The following AFF1 variants were observed in gnomAD, a reference collection of about 807,000 sequenced individuals.
The protein encoded by AFF1 is ALF transcription elongation factor 1, also known as AF4/FMR2 family member 1.
In AFF1, 48 loss-of-function variants were observed where a neutral mutation model predicts 121.7. That is an observed-to-expected ratio of 0.39 (90% CI 0.31 to 0.50). The LOEUF (loss-of-function observed/expected upper bound fraction) is 0.50, where lower values mean the gene tolerates loss of function less well. Among genes scored for constraint, AFF1 ranks in the 20% least tolerant of loss-of-function variants. AFF1 has a pLI of 0.76. For synonymous variants in AFF1, 613 were observed against 563.0 expected, an observed-to-expected ratio of 1.09 and a Z score of -1.26; for missense variants, 1,523 against 1,511.7, an observed-to-expected ratio of 1.01 and a Z score of -0.12.
intron 2 of AFF1, among the ~76,000 whole-genome samples, chr4:86,977,188 C>T (rs1294807685): frequency 2.7e-5 from 4 of 147,432 alleles, no homozygotes; most frequent in African/African-American, 9.7e-5. Flanking sequence ...GATAGTACTG[C>T]ACCCTATACA....
At chr4:86,951,623 C>CTTTTTTTTTTTTT (rs1285365564) in intron 2 of AFF1, among the ~76,000 whole-genome samples, 3 of 69,418 alleles carry the variant, frequency 4.3e-5, no homozygotes, top group African/African-American at 1.4e-4. Context: ...TTCTTTTTTT[C>CTTTTTTTTTTTTT]TTTTTTTTTT....
intron 1 of AFF1, among the ~76,000 whole-genome samples, chr4:86,947,856 G>C (rs1386057788): frequency 6.6e-6 from 1 of 151,038 alleles, no homozygotes; most frequent in Non-Finnish European, 1.5e-5. Context: ...TTTAATGAGT[G>C]GAAGTAAAAT....
intron 2 of AFF1, among the ~76,000 whole-genome samples, chr4:87,010,969 C>T (rs377423556): frequency 1.6e-4 from 24 of 150,952 alleles, no homozygotes; most frequent in African/African-American, 5.6e-4. Context: ...GTCCCAGCTA[C>T]GCGGGAGGCG....
At chr4:87,120,535 C>T (rs1727580157) in intron 12 of AFF1, among the ~76,000 whole-genome samples, 1 of 152,230 alleles carries the variant, frequency 6.6e-6, no homozygotes, top group African/African-American at 2.4e-5. Context: ...CTGCCTCCTC[C>T]CAGTCCCGTG....
At chr4:86,959,234 A>T (rs1721968574) in intron 2 of AFF1, among the ~76,000 whole-genome samples, 3 of 152,212 alleles carry the variant, frequency 2.0e-5, no homozygotes, top group Admixed American at 2.0e-4. Flanking sequence ...TGCTTAAAAT[A>T]GTTAAATTGC....
chr4:87,012,448 C>CT (rs1045709006), intron 2 of AFF1, among the ~76,000 whole-genome samples: 2 of 152,024 alleles, frequency 1.3e-5, no homozygotes, highest in Non-Finnish European at 2.9e-5. Flanking sequence ...TATAGTGAGG[C>CT]TAAGTATAAT....
At chr4:87,040,635 C>T (rs1456514325) in intron 2 of AFF1, among the ~76,000 whole-genome samples, 1 of 151,098 alleles carries the variant, frequency 6.6e-6, no homozygotes, top group Non-Finnish European at 1.5e-5. Context: ...GGCGCAATCT[C>T]GGCTCACAGC....
At chr4:87,109,084 A>G (rs1291240115) in intron 11 of AFF1, among the ~76,000 whole-genome samples, 2 of 152,370 alleles carry the variant, frequency 1.3e-5, no homozygotes, top group African/African-American at 4.8e-5. Flanking sequence ...TGGTGGGGAA[A>G]GAAATTAATG....
At chr4:86,953,853 GGC>G (rs1331155668) in intron 2 of AFF1, among the ~76,000 whole-genome samples, 1 of 147,312 alleles carries the variant, frequency 6.8e-6, no homozygotes, top group Non-Finnish European at 1.5e-5. Flanking sequence ...CCGAGTAGCT[GGC>G]GCACCACCAC....
chr4:86,940,255 C>CT (rs1275398506), intron 1 of AFF1, among the ~76,000 whole-genome samples: 4 of 152,164 alleles, frequency 2.6e-5, no homozygotes, highest in African/African-American at 9.7e-5. Flanking sequence ...AGAGGAATGA[C>CT]TTTATCACTC....
intron 19 of AFF1, 69 bp from the exon 20 acceptor site, chr4:87,134,401 AC>A: frequency 7.3e-7 from 1 of 1,372,430 alleles, no homozygotes; most frequent in South Asian, 1.4e-5. Flanking sequence ...AGTTCCAGAC[AC>A]GTAAATCTGT....
chr4:87,007,170 C>T (rs1251358384), intron 2 of AFF1: 4 of 1,357,012 alleles, frequency 2.9e-6, no homozygotes, highest in East Asian at 2.9e-5. Flanking sequence ...GTGCAGATCG[C>T]CGCAGAGGCC....
intron 4 of AFF1, among the ~76,000 whole-genome samples, chr4:87,069,475 C>G (rs1233952544): frequency 6.7e-6 from 1 of 148,580 alleles, no homozygotes; most frequent in Non-Finnish European, 1.5e-5. Flanking sequence ...TCTCGTCTCT[C>G]TTCCTTGCTT....
chr4:87,040,718 T>C (rs1553921255), intron 2 of AFF1, among the ~76,000 whole-genome samples: 2 of 148,872 alleles, frequency 1.3e-5, no homozygotes, highest in Non-Finnish European at 3.0e-5. Flanking sequence ...TACAGGCGCC[T>C]GCCACCACAC....
chr4:87,057,127 G>T (rs1379239960), intron 4 of AFF1, among the ~76,000 whole-genome samples: 3 of 151,980 alleles, frequency 2.0e-5, no homozygotes, highest in South Asian at 2.1e-4. Flanking sequence ...TTTGCACTCT[G>T]GTGAAAGGTA....
intron 4 of AFF1, among the ~76,000 whole-genome samples, chr4:87,058,362 G>A (rs1720373257): frequency 6.6e-6 from 1 of 152,110 alleles, no homozygotes; most frequent in Middle Eastern, 3.2e-3. Flanking sequence ...CAAATATAGG[G>A]TGGCACGGGT....
At chr4:87,101,123 T>A (rs1211050184) in intron 8 of AFF1, among the ~76,000 whole-genome samples, 3 of 152,224 alleles carry the variant, frequency 2.0e-5, no homozygotes, top group Non-Finnish European at 4.4e-5. Flanking sequence ...TCCTATTATA[T>A]GTTGTGTCAC....
intron 16 of AFF1, among the ~76,000 whole-genome samples, chr4:87,128,142 AT>A (rs1728477340): frequency 6.6e-6 from 1 of 152,210 alleles, no homozygotes; most frequent in Admixed American, 6.5e-5. Flanking sequence ...ACTCTAAAAC[AT>A]TTCACAAGGC....
At chr4:87,044,177 A>G (rs6833094) in intron 2 of AFF1, among the ~76,000 whole-genome samples, 6,416 of 152,246 alleles carry the variant, frequency 0.042, 432 homozygotes, top group African/African-American at 0.15. Context: ...TTCTCTCCAT[A>G]CATCCTACTC....
Sources: allele counts gnomAD v4.1 joint callset (sites outside exome capture counted in the v4.1 genomes callset), GRCh38; gene constraint gnomAD v4.1.1; transcripts MANE v1.5; gene names NCBI Gene and HGNC (gene_info 2026-07-23, HGNC 2026-07-21).